The following DST variants were observed in gnomAD, a reference collection of about 807,000 sequenced individuals.
DST encodes the protein dystonin.
DST carries 253 observed loss-of-function variants against 875.2 expected under a neutral mutation model. The ratio of observed to expected loss-of-function variants is 0.29; its 90% CI spans 0.26 to 0.32. The LOEUF is 0.32. DST is among the 10% of genes least tolerant of loss of function. The pLI is 1.00. For synonymous variants in DST, 3,124 were observed against 3,197.1 expected (o/e 0.98, Z 0.77); for missense variants, 8,287 against 9,111.6 (o/e 0.91, Z 3.68).
At chr6:56,688,564 C>T (rs1229365707) in intron 9 of DST, among the ~76,000 whole-genome samples, 2 of 152,168 alleles carry the variant, frequency 1.3e-5, no homozygotes, top group African/African-American at 4.8e-5. Flanking sequence ...CTTCTCTCTT[C>T]GGCTTCTTTA....
intron 69 of DST, among the ~76,000 whole-genome samples, chr6:56,524,240 C>T (rs1427852576): frequency 6.6e-6 from 1 of 151,832 alleles, no homozygotes; most frequent in Non-Finnish European, 1.5e-5. Context: ...ATCTCTGCCA[C>T]ACCAGGAAGA....
chr6:56,840,372 T>C (rs71564863), intron 4 of DST, among the ~76,000 whole-genome samples: 18,440 of 152,170 alleles, frequency 0.12, 1,564 homozygotes, highest in Non-Finnish European at 0.18. Context: ...AGAAAGCCAT[T>C]CTGATGTAGA....
intron 3 of DST, among the ~76,000 whole-genome samples, chr6:56,867,140 C>A (rs1375295144): frequency 6.6e-6 from 1 of 152,208 alleles, no homozygotes; most frequent in Non-Finnish European, 1.5e-5. Flanking sequence ...CCTGGCCCTG[C>A]AGTCTGGCAG....
In DST at chr6:56,617,149, A is replaced by C. The variant is rs1221571496; in HGVS notation, c.4930-2665T>G. 4.4e-6 allele frequency: 7 copies of C among 1,604,390 alleles called. No homozygotes were observed. Among genetic ancestry groups the C allele is most frequent in the Middle Eastern group, 1.7e-4 (1 of 6,014 alleles). Reference sequence around the variant, plus strand: ...GCTGCTCAATTGTTCTCATGTCCAGAAGCTTAGCTTCCACCAACTGCCTGG... The same window carrying C: ...GCTGCTCAATTGTTCTCATGTCCAGCAGCTTAGCTTCCACCAACTGCCTGG... On this transcript the variant is annotated intron_variant, in intron 36 of 103. Coordinates refer to ENST00000680361, the MANE Select transcript of DST (RefSeq NM_001374736.1).
At chr6:56,797,363 T>C (rs757984358) in intron 4 of DST, among the ~76,000 whole-genome samples, 3 of 152,200 alleles carry the variant, frequency 2.0e-5, no homozygotes, top group Non-Finnish European at 4.4e-5. Context: ...CAAGGGCCTC[T>C]ATGTGTTCAA....
intron 9 of DST, among the ~76,000 whole-genome samples, chr6:56,672,416 T>G (rs1275636120): frequency 3.0e-4 from 46 of 152,180 alleles, no homozygotes; most frequent in Admixed American, 3.0e-3. Context: ...GCCAGGAATC[T>G]GTGCCAAACT....
chr6:56,742,799 T>C (rs1271738018), intron 4 of DST, among the ~76,000 whole-genome samples: 1 of 152,188 alleles, frequency 6.6e-6, no homozygotes. Flanking sequence ...GCTAGTAACA[T>C]GATTTGGAAG....
chr6:56,561,467 C>T lies in DST; in HGVS notation c.14151G>A (p.Ala4717=), dbSNP rs78882406. Residue 4717 remains alanine, a synonymous_variant, in exon 57 of 104, where the codon GCG becomes GCA. Coordinates refer to ENST00000680361, the MANE Select transcript of DST (RefSeq NM_001374736.1). ...ATTTGGAGAGTTTAGTGTTCAGTTC[C>T]GCTATTTTGTCCTTGAGTAAGAGGC... ...DLGLLLKDKI[A]ELNTKLSKLQ... The T allele has an allele frequency of 1.6e-3, 2,599 of 1,613,820 alleles. 34 individuals carry two copies. In the African/African-American group the frequency reaches 0.031, roughly 19 times the overall value.
chr6:56,499,257 C>T (rs1014222912), intron 80 of DST, among the ~76,000 whole-genome samples: 2 of 152,102 alleles, frequency 1.3e-5, no homozygotes, highest in Admixed American at 6.6e-5. Flanking sequence ...GGTGGATTTT[C>T]AGTGAAGATC....
Position 56,555,794 on chromosome 6 carries a change from A to T in DST, c.14687T>A (p.Leu4896Gln). 1 of 1,554,408 alleles carries T rather than the reference A, an allele frequency of 6.4e-7. No homozygotes were observed. The highest frequency in any genetic ancestry group is 8.7e-7 in the Non-Finnish European group (1 of 1,146,986). Residue 4896 changes from leucine (L) to glutamine (Q), a missense_variant, in exon 60 of 104, where the codon CTG (leucine) becomes CAG (glutamine). This residue lies in a region of DST where 1,513 missense variants were observed against 1,677.8 expected (regional missense o/e 0.90). Coordinates refer to ENST00000680361, the MANE Select transcript of DST (RefSeq NM_001374736.1). ...FATRKPQYEQ[L>Q]TAAGQGILSR... ...CAGAATGCCCTGACCAGCTGCTGTC[A>T]GCTGTTCATATTGAGGTTTCCGAGT...
chr6:56,844,887 A>T, intron 4 of DST, among the ~76,000 whole-genome samples: 1 of 151,258 alleles, frequency 6.6e-6, no homozygotes, highest in Non-Finnish European at 1.5e-5. Flanking sequence ...AAAAAAAAAC[A>T]GTGAAGTCAG....
At chr6:56,726,662 T>C (rs1009777810) in intron 5 of DST, among the ~76,000 whole-genome samples, 7 of 152,252 alleles carry the variant, frequency 4.6e-5, no homozygotes, top group Admixed American at 4.6e-4. Context: ...TAGACCTTTT[T>C]AGCTTTATAA....
chr6:56,755,468 C>G lies in DST; in HGVS notation c.626-20179G>C, dbSNP rs540696622. ...ATGTAATTACCCCACTTTACATTCA[C>G]ATATACTCTGTAAGTAAGGCAGATA... On this transcript the variant is annotated intron_variant, in intron 4 of 103. Transcript: ENST00000680361. 8.8e-3 allele frequency among the ~76,000 whole-genome samples: 1,336 copies of G among 152,328 alleles called. 14 individuals are homozygous for G. The highest frequency in any genetic ancestry group is 0.03 in the African/African-American group (1,230 of 41,576).
chr6:56,642,049 G>A lies in DST; in HGVS notation c.1925C>T (p.Ala642Val). The change falls in exon 17 of 104, where the codon GCT (alanine) becomes GTT (valine). Residue 642 changes from alanine (A) to valine (V), a missense_variant. By Grantham distance (64) the Ala-to-Val change is moderately conservative (BLOSUM62 0). Coordinates refer to ENST00000680361, the MANE Select transcript of DST (RefSeq NM_001374736.1). ...GVQFQNEAEIAGYILECENLL... is the reference protein window; with the variant it reads ...GVQFQNEAEIVGYILECENLL... ...GTTCTCACATTCAAGTATATACCCA[G>A]CAATTTCTGCTTCATTCTGAAACTG... is the stretch of plus-strand genomic sequence containing the variant. The A allele has an allele frequency of 1.2e-6, 2 of 1,612,636 alleles. No individual in the cohort carries two copies. Among genetic ancestry groups the A allele is most frequent in the Non-Finnish European group, 1.7e-6 (2 of 1,178,954 alleles).
intron 2 of DST, among the ~76,000 whole-genome samples, chr6:56,946,537 T>C (rs926814519): frequency 1.3e-5 from 2 of 152,042 alleles, no homozygotes; most frequent in African/African-American, 4.8e-5. Flanking sequence ...GAAGGAGCAA[T>C]TGAGGATAAA....
At chr6:56,519,406 A>T (rs2096653890) in intron 69 of DST, among the ~76,000 whole-genome samples, 1 of 152,000 alleles carries the variant, frequency 6.6e-6, no homozygotes, top group South Asian at 2.1e-4. Flanking sequence ...GGTCCCCAAC[A>T]CTCTTGCCGG....
intron 3 of DST, among the ~76,000 whole-genome samples, chr6:56,869,254 A>T (rs13209099): frequency 0.12 from 18,796 of 152,232 alleles, 1,534 homozygotes; most frequent in Middle Eastern, 0.2. Context: ...TACAGTAGCT[A>T]AAAATGCTGG....
At chr6:56,944,530 G>T (rs965683942) in intron 2 of DST, among the ~76,000 whole-genome samples, 3 of 152,090 alleles carry the variant, frequency 2.0e-5, no homozygotes, top group African/African-American at 7.2e-5. Flanking sequence ...ATAGAAAGAG[G>T]CTTTCTTAGT....
intron 82 of DST, among the ~76,000 whole-genome samples, chr6:56,495,449 G>T (rs2095871094): frequency 6.6e-6 from 1 of 151,828 alleles, no homozygotes; most frequent in African/African-American, 2.4e-5. Flanking sequence ...CTTAAAGGTA[G>T]GTTCTTTGCT....
Sources: allele counts gnomAD v4.1 joint callset (sites outside exome capture counted in the v4.1 genomes callset), GRCh38; gene constraint gnomAD v4.1.1; regional missense constraint gnomAD v4.1.1; transcripts MANE v1.5; gene names NCBI Gene and HGNC (gene_info 2026-07-23, HGNC 2026-07-21).